ACOT7: variants seen among roughly 807,000 people sequenced by gnomAD.
The protein encoded by ACOT7 is cytosolic acyl coenzyme A thioester hydrolase.
ACOT7 carries 12 observed loss-of-function variants against 40.2 expected under a neutral mutation model. That is an observed-to-expected ratio of 0.30 (90% confidence interval 0.19 to 0.48). The LOEUF (loss-of-function observed/expected upper bound fraction) is 0.48. Ranked by LOEUF, ACOT7 falls within the 20% of genes least tolerant of loss-of-function variation. The probability of loss-of-function intolerance (pLI) is 0.99; values close to 1 mark genes in which losing one functional copy is unlikely to be tolerated. For synonymous variants in ACOT7, 228 were observed against 219.5 expected, an observed-to-expected ratio of 1.04 and a Z score of -0.34; for missense variants, 395 against 530.8, an observed-to-expected ratio of 0.74 and a Z score of 2.51.
intron 6 of ACOT7, among the ~76,000 whole-genome samples, chr1:6,305,561 C>T (rs1170696228): frequency 8.8e-5 from 13 of 147,582 alleles, no homozygotes; most frequent in African/African-American, 3.1e-4. Flanking sequence ...ACGGGGCGGC[C>T]GGGCAGAGAC....
chr1:6,386,650 G>A (rs114481048), intron 1 of ACOT7, among the ~76,000 whole-genome samples: 3,199 of 152,234 alleles, frequency 0.021, 98 homozygotes, highest in African/African-American at 0.073. Flanking sequence ...GAGCCCAGGA[G>A]TTCAAGACCT....
At chr1:6,284,576 CAAAAAAA>C (rs561943319) in intron 7 of ACOT7, among the ~76,000 whole-genome samples, 9 of 58,002 alleles carry the variant, frequency 1.6e-4, no homozygotes, top group East Asian at 1.2e-3. Flanking sequence ...AACTCCATCT[CAAAAAAA>C]AAAAAAAAAA....
At position 6,358,414 on chromosome 1, in the gene ACOT7, A is replaced by C. The variant is rs896040204; in HGVS notation, c.144-8548T>G. Reference sequence around the variant, plus strand: ...CCAGGAGGCTCCTTGTGCAGCCCACAGACCCCCCCTCCACCGCAGGTAGGA... The same window carrying C: ...CCAGGAGGCTCCTTGTGCAGCCCACCGACCCCCCCTCCACCGCAGGTAGGA... On this transcript the variant is annotated intron_variant, in intron 1 of 8. Transcript: ENST00000361521. This position sits in a 1 kb window ranked among gnomAD's most constrained non-coding sequence, Gnocchi z 4.1. 6.6e-6 allele frequency among the ~76,000 whole-genome samples: 1 copy of C among 152,166 alleles called. No homozygotes were observed. The highest frequency in any genetic ancestry group is 2.4e-5 in the African/African-American group (1 of 41,420).
chr1:6,295,090 A>T, intron 6 of ACOT7, 110 bp from the exon 7 acceptor site: 34 of 697,728 alleles, frequency 4.9e-5, no homozygotes, highest in East Asian at 1.3e-4. Flanking sequence ...GCCACCAGCA[A>T]GGGCCGCAGC....
intron 8 of ACOT7, among the ~76,000 whole-genome samples, chr1:6,271,612 C>T (rs2148366575): frequency 6.7e-6 from 1 of 148,846 alleles, no homozygotes; most frequent in Middle Eastern, 3.4e-3. Context: ...TGTCCGCCAT[C>T]CGCTGTGGCC....
chr1:6,316,012 A>T (rs932119898), intron 6 of ACOT7, among the ~76,000 whole-genome samples: 3 of 152,118 alleles, frequency 2.0e-5, no homozygotes, highest in African/African-American at 7.2e-5. Flanking sequence ...GCCTTTCAGC[A>T]CATAAAGAAA....
At chr1:6,384,385 T>C (rs1642401889) in intron 1 of ACOT7, among the ~76,000 whole-genome samples, 1 of 151,800 alleles carries the variant, frequency 6.6e-6, no homozygotes, top group African/African-American at 2.4e-5. Context: ...TATGGGGAAA[T>C]TGAATCCTTT....
At chr1:6,375,261 CAA>C (rs34778182) in intron 1 of ACOT7, among the ~76,000 whole-genome samples, 29 of 73,776 alleles carry the variant, frequency 3.9e-4, no homozygotes, top group Admixed American at 3.2e-4. Flanking sequence ...AGACTCCTCT[CAA>C]AAAAAAAAAA....
rs375998082 is a variant in ACOT7 at position 6,281,093 on chromosome 1, C to T, written c.1014+9G>A. ...GGGAGGGGCCGCCGTTCCAAGGATG[C>T]GCACTCACCACCAGCTGGGGCACAG... On this transcript the variant is annotated intron_variant, in intron 8 of 8. Coordinates refer to ENST00000361521, the MANE Select transcript of ACOT7 (RefSeq NM_007274.4). 3.7e-6 allele frequency: 6 copies of T among 1,611,752 alleles called. No homozygotes were observed. Among genetic ancestry groups the T allele is most frequent in the Non-Finnish European group, 5.1e-6 (6 of 1,179,728 alleles).
intron 8 of ACOT7, among the ~76,000 whole-genome samples, chr1:6,276,669 G>A (rs764378892): frequency 9.9e-5 from 15 of 152,018 alleles, no homozygotes; most frequent in African/African-American, 1.9e-4. Flanking sequence ...CAGGTTCACC[G>A]CACGGAGCAC....
intron 8 of ACOT7, among the ~76,000 whole-genome samples, chr1:6,268,158 G>T (rs1638906712): frequency 6.6e-6 from 1 of 152,184 alleles, no homozygotes; most frequent in Non-Finnish European, 1.5e-5. Flanking sequence ...GACTGTGGCG[G>T]GGGATGTCCA....
At chr1:6,390,788 TAGCCAGACA>T (rs1642520026) in intron 1 of ACOT7, among the ~76,000 whole-genome samples, 16 of 149,158 alleles carry the variant, frequency 1.1e-4, no homozygotes, top group Admixed American at 8.8e-4. Context: ...ATACAAAAAT[TAGCCAGACA>T]TGATGGCGGG....
intron 1 of ACOT7, among the ~76,000 whole-genome samples, chr1:6,390,828 C>T (rs1642520894): frequency 6.6e-6 from 1 of 151,676 alleles, no homozygotes; most frequent in African/African-American, 2.4e-5. Flanking sequence ...CCCAGCAACT[C>T]AGGAGGCTGA....
chr1:6,307,705 A>C (rs1200082742), intron 6 of ACOT7, among the ~76,000 whole-genome samples: 1 of 151,844 alleles, frequency 6.6e-6, no homozygotes, highest in Admixed American at 6.6e-5. Context: ...AGAGGGAACC[A>C]CAACAGGCGG....
chr1:6,340,078 G>A (rs947367015), intron 2 of ACOT7, among the ~76,000 whole-genome samples: 1 of 151,714 alleles, frequency 6.6e-6, no homozygotes, highest in Non-Finnish European at 1.5e-5. Flanking sequence ...CCATTCTCCT[G>A]CCTCAGCCTC....
At chr1:6,378,758 A>T (rs1642281884) in intron 1 of ACOT7, among the ~76,000 whole-genome samples, 1 of 151,856 alleles carries the variant, frequency 6.6e-6, no homozygotes, top group Non-Finnish European at 1.5e-5. Flanking sequence ...GGGGAGGAGG[A>T]GGGAAGGAGG....
At chr1:6,328,042 G>A (rs1292280116) in intron 4 of ACOT7, among the ~76,000 whole-genome samples, 1 of 152,164 alleles carries the variant, frequency 6.6e-6, no homozygotes, top group Admixed American at 6.5e-5. Context: ...AAAGTGCTGG[G>A]ATTACAGGCG....
intron 8 of ACOT7, among the ~76,000 whole-genome samples, chr1:6,273,848 G>A (rs771669439): frequency 6.6e-5 from 10 of 152,206 alleles, no homozygotes; most frequent in Non-Finnish European, 1.0e-4. Context: ...GAGTAGGTGC[G>A]GCCCCTCCCT....
At position 6,288,568 on chromosome 1, in the gene ACOT7, G is replaced by A. The variant is rs537101436; in HGVS notation, c.829+6296C>T. 2.6e-4 allele frequency among the ~76,000 whole-genome samples: 39 copies of A among 152,326 alleles called. 1 individual carries two copies. Among genetic ancestry groups the A allele is most frequent in the African/African-American group, 4.8e-4 (20 of 41,580 alleles). ...AGCAGAGGAATAGCAGGTCCCTAGC[G>A]TCAAAAGGCTGTGACAATGGAGGTG... On this transcript the variant is annotated intron_variant, in intron 7 of 8. Coordinates refer to ENST00000361521, the MANE Select transcript of ACOT7 (RefSeq NM_007274.4). This position sits in a 1 kb window ranked among gnomAD's most constrained non-coding sequence, Gnocchi z 4.3.
Sources: allele counts gnomAD v4.1 joint callset (sites outside exome capture counted in the v4.1 genomes callset), GRCh38; gene constraint gnomAD v4.1.1; non-coding constraint Gnocchi (gnomAD v3.1); transcripts MANE v1.5; gene names NCBI Gene and HGNC (gene_info 2026-07-23, HGNC 2026-07-21).